STXBP5L: variants seen among roughly 807,000 people sequenced by gnomAD.
The protein encoded by STXBP5L is syntaxin-binding protein 5-like.
A neutral mutation model predicts 144.5 loss-of-function variants in STXBP5L; 65 were observed. The ratio of observed to expected loss-of-function variants is 0.45; its 90% CI spans 0.37 to 0.55. The LOEUF (loss-of-function observed/expected upper bound fraction) is 0.55, where lower values mean the gene tolerates loss of function less well. Among genes scored for constraint, STXBP5L ranks in the 20% least tolerant of loss-of-function variants. STXBP5L has a pLI of 0.00. For missense variants in STXBP5L, 1,298 were observed against 1,405.5 expected, an observed-to-expected ratio of 0.92 and a Z score of 1.22; for synonymous variants, 505 against 469.6, an observed-to-expected ratio of 1.08 and a Z score of -0.97.
chr3:120,974,414 T>C (rs1374401702), intron 3 of STXBP5L, among the ~76,000 whole-genome samples: 1 of 150,658 alleles, frequency 6.6e-6, no homozygotes, highest in Non-Finnish European at 1.5e-5. Flanking sequence ...GTAAATTTGT[T>C]TGAGTTCATT....
At chr3:121,405,016 A>G (rs921072552) in intron 22 of STXBP5L, among the ~76,000 whole-genome samples, 1 of 152,124 alleles carries the variant, frequency 6.6e-6, no homozygotes, top group Middle Eastern at 3.2e-3. Flanking sequence ...GTGTGCTCAC[A>G]TGGCCTTTCC....
chr3:121,194,280 A>G (rs967089693), intron 9 of STXBP5L, among the ~76,000 whole-genome samples: 20 of 152,376 alleles, frequency 1.3e-4, no homozygotes, highest in Non-Finnish European at 2.6e-4. Flanking sequence ...CAATAAAACC[A>G]TACAATATTT....
intron 3 of STXBP5L, among the ~76,000 whole-genome samples, chr3:121,036,102 G>A (rs1301821392): frequency 1.3e-5 from 2 of 152,138 alleles, no homozygotes; most frequent in Admixed American, 6.5e-5. Context: ...GGCGGCTGAG[G>A]TGGGCAGATC....
chr3:121,044,070 T>G (rs1355496729), intron 4 of STXBP5L, among the ~76,000 whole-genome samples: 1 of 152,086 alleles, frequency 6.6e-6, no homozygotes, highest in Non-Finnish European at 1.5e-5. Context: ...AACACAAAAA[T>G]TATCAAGGCT....
chr3:121,391,411 G>A (rs2046581403), intron 22 of STXBP5L, among the ~76,000 whole-genome samples: 1 of 152,086 alleles, frequency 6.6e-6, no homozygotes, highest in South Asian at 2.1e-4. Flanking sequence ...GTCATTCTCT[G>A]TCCAGCTTTG....
chr3:120,939,673 A>G (rs1472343707), intron 2 of STXBP5L, among the ~76,000 whole-genome samples: 1 of 152,222 alleles, frequency 6.6e-6, no homozygotes, highest in East Asian at 1.9e-4. Context: ...TAGTTAGATA[A>G]CTAATCTTTT....
chr3:121,365,955 T>C (rs1436547473), intron 20 of STXBP5L, among the ~76,000 whole-genome samples: 1 of 151,956 alleles, frequency 6.6e-6, no homozygotes, highest in African/African-American at 2.4e-5. Flanking sequence ...GTTTTTGGTA[T>C]GTTGTATTTT....
At chr3:120,964,462 G>A (rs1397197845) in intron 3 of STXBP5L, among the ~76,000 whole-genome samples, 1 of 152,126 alleles carries the variant, frequency 6.6e-6, no homozygotes, top group Non-Finnish European at 1.5e-5. Context: ...AGAGATTCTG[G>A]TATGTTGTGT....
intron 4 of STXBP5L, among the ~76,000 whole-genome samples, chr3:121,043,737 A>C (rs1576756747): frequency 6.6e-6 from 1 of 152,042 alleles, no homozygotes; most frequent in Admixed American, 6.6e-5. Context: ...AAAAAAGAAT[A>C]CTGAGTTCCT....
chr3:120,990,472 G>A (rs1942732562), intron 3 of STXBP5L, among the ~76,000 whole-genome samples: 2 of 152,056 alleles, frequency 1.3e-5, no homozygotes, highest in Non-Finnish European at 2.9e-5. Flanking sequence ...AAGTTCATAT[G>A]GAACCAAAAA....
chr3:121,237,601 A>G (rs892229555), intron 12 of STXBP5L, among the ~76,000 whole-genome samples: 1 of 152,224 alleles, frequency 6.6e-6, no homozygotes, highest in African/African-American at 2.4e-5. Context: ...TCTTTTCTTT[A>G]CTACCACATG....
chr3:121,269,500 A>G (rs2050674367), intron 18 of STXBP5L, among the ~76,000 whole-genome samples: 1 of 152,070 alleles, frequency 6.6e-6, no homozygotes, highest in Admixed American at 6.6e-5. Flanking sequence ...TTTATTAGTG[A>G]CAGCAAAAGC....
intron 9 of STXBP5L, among the ~76,000 whole-genome samples, chr3:121,189,468 T>C (rs946589755): frequency 3.3e-5 from 5 of 152,246 alleles, no homozygotes. Context: ...GCACCATTTA[T>C]TAAACAGGGA....
chr3:121,206,077 AT>A (rs2048325206), intron 10 of STXBP5L, 76 bp downstream of exon 10: 3 of 857,816 alleles, frequency 3.5e-6, no homozygotes, highest in South Asian at 2.6e-5. Context: ...ATGTTAAGAT[AT>A]TGTTTAAAGT....
chr3:120,992,742 T>C (rs1291250054), intron 3 of STXBP5L, among the ~76,000 whole-genome samples: 1 of 152,192 alleles, frequency 6.6e-6, no homozygotes, highest in Non-Finnish European at 1.5e-5. Context: ...TTTGCATTTA[T>C]GAATAGTGCT....
intron 22 of STXBP5L, among the ~76,000 whole-genome samples, chr3:121,396,638 T>C (rs2046737035): frequency 6.6e-6 from 1 of 152,386 alleles, no homozygotes; most frequent in African/African-American, 2.4e-5. Flanking sequence ...ATTTGGTAAG[T>C]TGGGCATCAC....
intron 4 of STXBP5L, among the ~76,000 whole-genome samples, chr3:121,043,162 G>T (rs1947276977): frequency 6.6e-6 from 1 of 151,998 alleles, no homozygotes; most frequent in Non-Finnish European, 1.5e-5. Context: ...CTCGCCCTAT[G>T]TACCTCACAC....
At chr3:121,081,855 G>T (rs1466238859) in intron 5 of STXBP5L, among the ~76,000 whole-genome samples, 2 of 152,198 alleles carry the variant, frequency 1.3e-5, no homozygotes, top group Non-Finnish European at 2.9e-5. Flanking sequence ...CAGCTCCCCT[G>T]CCAGACTAGC....
chr3:121,094,541 C>T (rs9864876), intron 5 of STXBP5L, among the ~76,000 whole-genome samples: 32,011 of 151,166 alleles, frequency 0.21, 3,617 homozygotes, highest in Non-Finnish European at 0.26. Context: ...CTTCTTTGTC[C>T]CTTTTGATCT....
Sources: allele counts gnomAD v4.1 joint callset (sites outside exome capture counted in the v4.1 genomes callset), GRCh38; gene constraint gnomAD v4.1.1; transcripts MANE v1.5; gene names NCBI Gene and HGNC (gene_info 2026-07-23, HGNC 2026-07-21).